The following TGFB2 variants were observed in gnomAD, a reference collection of about 807,000 sequenced individuals.
TGFB2 encodes the protein transforming growth factor beta-2 proprotein.
In TGFB2, 13 loss-of-function variants were observed where a neutral mutation model predicts 42.7. The observed-to-expected ratio is 0.30, with a 90% confidence interval of 0.20 to 0.48. The LOEUF (loss-of-function observed/expected upper bound fraction) is 0.48, where lower values mean the gene tolerates loss of function less well. Among genes scored for constraint, TGFB2 ranks in the 20% least tolerant of loss-of-function variants. The pLI, the probability that TGFB2 is intolerant of heterozygous loss-of-function variation, is 0.99. For synonymous variants in TGFB2, 193 were observed against 193.6 expected (o/e 1.00, Z 0.03); for missense variants, 390 against 517.5 (o/e 0.75, Z 2.39).
rs775606572 is a variant in TGFB2, at chr1:218,346,967, G to C, written c.266G>C (p.Cys89Ser). The part of the protein sequence containing the change: ...QEKASRRAAA[C>S]ERERSDEEYY... Reference sequence around the variant, plus strand: ...AAGGCGAGCCGGAGGGCGGCCGCCTGCGAGCGCGAGAGGAGCGACGAAGAG... The same window carrying C: ...AAGGCGAGCCGGAGGGCGGCCGCCTCCGAGCGCGAGAGGAGCGACGAAGAG... The change falls in exon 1 of 7, where the codon TGC becomes TCC. Residue 89 changes from cysteine (C) to serine (S), a missense_variant. Cys to Ser is a moderately radical substitution (Grantham distance 112, BLOSUM62 -1). Transcript: ENST00000366930. This position sits in a 1 kb window ranked among gnomAD's most constrained non-coding sequence, Gnocchi z 4.9. 2.5e-6 allele frequency: 4 copies of C among 1,613,912 alleles called. No homozygotes were observed. The highest frequency in any genetic ancestry group is 3.4e-6 in the Non-Finnish European group (4 of 1,179,900).
At chr1:218,415,493 G>T (rs1659245075) in intron 2 of TGFB2, among the ~76,000 whole-genome samples, 1 of 151,922 alleles carries the variant, frequency 6.6e-6, no homozygotes, top group Non-Finnish European at 1.5e-5. Flanking sequence ...TCAGGAGTTT[G>T]AGACCAGCCT....
intron 2 of TGFB2, among the ~76,000 whole-genome samples, chr1:218,424,376 G>T (rs1480866803): frequency 6.6e-6 from 1 of 152,200 alleles, no homozygotes; most frequent in Non-Finnish European, 1.5e-5. Flanking sequence ...AACATTAACA[G>T]ATATATATGT....
chr1:218,384,926 T>C (rs1408964182), intron 1 of TGFB2, among the ~76,000 whole-genome samples: 3 of 152,182 alleles, frequency 2.0e-5, no homozygotes, highest in African/African-American at 7.2e-5. Flanking sequence ...CAGAGCACAT[T>C]GCAGCCTGTG....
At chr1:218,379,291 C>A (rs1344649522) in intron 1 of TGFB2, among the ~76,000 whole-genome samples, 2 of 151,840 alleles carry the variant, frequency 1.3e-5, no homozygotes, top group African/African-American at 4.8e-5. Context: ...CGCCACCACA[C>A]CTGGCTAATT....
chr1:218,370,121 C>T (rs1657524182), intron 1 of TGFB2, among the ~76,000 whole-genome samples: 1 of 152,176 alleles, frequency 6.6e-6, no homozygotes, highest in South Asian at 2.1e-4. Context: ...ACCAACCAAA[C>T]AGAAACAAAA....
chr1:218,426,861 T>A (rs1659640652), intron 2 of TGFB2, among the ~76,000 whole-genome samples: 1 of 152,184 alleles, frequency 6.6e-6, no homozygotes, highest in Admixed American at 6.5e-5. Flanking sequence ...GCTGAGTTCT[T>A]TTTGTGAAAG....
intron 2 of TGFB2, among the ~76,000 whole-genome samples, chr1:218,424,279 T>A (rs1490590957): frequency 6.6e-6 from 1 of 152,210 alleles, no homozygotes; most frequent in African/African-American, 2.4e-5. Flanking sequence ...GCTCTGTGGC[T>A]CCGAAGAGTA....
chr1:218,374,977 C>G (rs1275436530), intron 1 of TGFB2, among the ~76,000 whole-genome samples: 2 of 152,208 alleles, frequency 1.3e-5, no homozygotes, highest in Non-Finnish European at 2.9e-5. Context: ...TTAAACTACT[C>G]TCTGGGCAGT....
intron 1 of TGFB2, among the ~76,000 whole-genome samples, chr1:218,397,454 C>T (rs1658558549): frequency 1.3e-5 from 2 of 151,442 alleles, no homozygotes; most frequent in South Asian, 4.2e-4. Flanking sequence ...GTCCCAGCTA[C>T]TCGGGAGGCT....
chr1:218,363,260 G>T, intron 1 of TGFB2: 1 of 1,278,216 alleles, frequency 7.8e-7, no homozygotes, highest in South Asian at 1.2e-5. Flanking sequence ...CTTCTACTTT[G>T]AATCTTTGTA....
intron 5 of TGFB2, 117 bp from the exon 6 acceptor site, chr1:218,437,226 G>A: frequency 9.7e-7 from 1 of 1,032,002 alleles, no homozygotes; most frequent in Non-Finnish European, 1.4e-6. Context: ...TTGCTCATTA[G>A]ATGTTTGTTG....
intron 1 of TGFB2, among the ~76,000 whole-genome samples, chr1:218,347,917 A>G (rs1656742841): frequency 6.7e-6 from 1 of 149,934 alleles, no homozygotes; most frequent in African/African-American, 2.5e-5. Context: ...TAAAACTCAG[A>G]GTAGACGACA....
chr1:218,349,016 A>T (rs1032350141), intron 1 of TGFB2, among the ~76,000 whole-genome samples: 1 of 152,180 alleles, frequency 6.6e-6, no homozygotes, highest in African/African-American at 2.4e-5. Context: ...GTCATCAACA[A>T]ACTGGAAAAA....
intron 1 of TGFB2, among the ~76,000 whole-genome samples, chr1:218,380,307 G>T (rs1657917246): frequency 6.6e-6 from 1 of 152,178 alleles, no homozygotes; most frequent in Admixed American, 6.5e-5. Context: ...TTCCACTCTA[G>T]AAGTAGATTC....
chr1:218,363,047 T>C (rs1418306043), intron 1 of TGFB2, among the ~76,000 whole-genome samples: 1 of 152,222 alleles, frequency 6.6e-6, no homozygotes, highest in Non-Finnish European at 1.5e-5. Context: ...CGTTTCAGTA[T>C]GTAAATTGTA....
chr1:218,404,419 C>T (rs900790193), intron 1 of TGFB2, among the ~76,000 whole-genome samples: 11 of 152,166 alleles, frequency 7.2e-5, no homozygotes, highest in Non-Finnish European at 1.6e-4. Flanking sequence ...GCCCGTCCTT[C>T]CCAGAAGCTT....
chr1:218,424,649 T>C (rs1383884175), intron 2 of TGFB2, among the ~76,000 whole-genome samples: 1 of 152,230 alleles, frequency 6.6e-6, no homozygotes, highest in East Asian at 1.9e-4. Context: ...CCTCCCTTCT[T>C]GCTTTGCATT....
intron 2 of TGFB2, among the ~76,000 whole-genome samples, chr1:218,425,072 C>T (rs1334836547): frequency 6.6e-6 from 1 of 152,162 alleles, no homozygotes; most frequent in East Asian, 1.9e-4. Context: ...CATCTTGCTC[C>T]AGAGGGCGAA....
At chr1:218,397,431 G>T (rs1223079143) in intron 1 of TGFB2, among the ~76,000 whole-genome samples, 1 of 152,014 alleles carries the variant, frequency 6.6e-6, no homozygotes, top group South Asian at 2.1e-4. Context: ...GGGCATGGTG[G>T]TGGGTGCCTG....
Sources: gnomAD v4.1 joint callset for allele counts (sites outside exome capture counted in the v4.1 genomes callset) on GRCh38, gnomAD v4.1.1 for gene constraint, Gnocchi (gnomAD v3.1) non-coding constraint, MANE v1.5 for transcripts, NCBI Gene and HGNC (gene_info 2026-07-23, HGNC 2026-07-21) for gene names.